Variants in THOC2 observed in about 807,000 individuals in gnomAD.
The protein encoded by THOC2 is THO complex 2.
THOC2 carries 10 observed loss-of-function variants against 128.4 expected under a neutral mutation model. The ratio of observed to expected loss-of-function variants is 0.08; its 90% CI spans 0.05 to 0.13. THOC2 has a LOEUF of 0.13. Among genes scored for constraint, THOC2 ranks in the 10% least tolerant of loss-of-function variants. The pLI, the probability that THOC2 is intolerant of heterozygous loss-of-function variation, is 1.00. For synonymous variants in THOC2, 393 were observed against 396.9 expected (o/e 0.99, Z 0.12); for missense variants, 535 against 1,155.7 (o/e 0.46, Z 7.79).
intron 36 of THOC2, 102 bp from the exon 37 acceptor site, chrX:123,611,618 CT>C: frequency 2.0e-6 from 1 of 495,851 alleles, no homozygotes. Context: ...TCTTCAAAAA[CT>C]TACTTAACAT....
chrX:123,701,754 T>C (rs2147920237), intron 4 of THOC2, among the ~76,000 whole-genome samples: 1 of 111,692 alleles, frequency 9.0e-6, no homozygotes, highest in African/African-American at 3.2e-5. Context: ...AAACATTTTT[T>C]GGTTGGCTTA....
At chrX:123,647,375 C>T (rs1271242432) in intron 12 of THOC2, among the ~76,000 whole-genome samples, 4 of 111,557 alleles carry the variant, frequency 3.6e-5, no homozygotes, top group Non-Finnish European at 7.5e-5. Flanking sequence ...TCACATAATA[C>T]TATAAGTTTT....
At chrX:123,720,388 C>T (rs953361490) in intron 1 of THOC2, among the ~76,000 whole-genome samples, 15 of 110,935 alleles carry the variant, frequency 1.4e-4, no homozygotes, top group Middle Eastern at 4.2e-3. Flanking sequence ...TTCAAGGTTA[C>T]GGTGAGCTAT....
intron 8 of THOC2, among the ~76,000 whole-genome samples, chrX:123,678,329 G>A (rs79805491): frequency 9.6e-6 from 1 of 104,613 alleles, no homozygotes; most frequent in Admixed American, 1.0e-4. Flanking sequence ...GCAGTGGCAC[G>A]ATCTCGGCTC....
intron 1 of THOC2, among the ~76,000 whole-genome samples, chrX:123,721,064 GT>G (rs988801531): frequency 4.5e-5 from 5 of 109,953 alleles, no homozygotes; most frequent in Non-Finnish European, 9.5e-5. Flanking sequence ...CATGTTAGGT[GT>G]TTTTTTTTAC....
At chrX:123,725,814 ATATAAG>A (rs1204944841) in intron 1 of THOC2, among the ~76,000 whole-genome samples, 4 of 111,112 alleles carry the variant, frequency 3.6e-5, no homozygotes, top group Non-Finnish European at 7.5e-5. Flanking sequence ...GAGAGGAGAT[ATATAAG>A]TATATCAAGG....
chrX:123,619,556 CATG>C, intron 32 of THOC2, 120 bp from the exon 33 acceptor site: 1 of 742,941 alleles, frequency 1.3e-6, no homozygotes, highest in Non-Finnish European at 2.0e-6. Flanking sequence ...GGATAAATTT[CATG>C]ATGTCATTAT....
intron 22 of THOC2, among the ~76,000 whole-genome samples, chrX:123,628,300 G>A (rs1365843045): frequency 4.5e-5 from 5 of 111,321 alleles, no homozygotes; most frequent in Non-Finnish European, 7.5e-5. Context: ...CTGTATCAGG[G>A]ATTGAACATG....
intron 15 of THOC2, among the ~76,000 whole-genome samples, chrX:123,641,506 C>T (rs776344482): frequency 1.8e-5 from 2 of 111,839 alleles, no homozygotes; most frequent in Non-Finnish European, 3.8e-5. Flanking sequence ...TCTCCATATC[C>T]CAGTTTTGGT....
intron 25 of THOC2, 85 bp downstream of exon 25, chrX:123,625,827 A>C: frequency 1.0e-6 from 1 of 1,001,967 alleles, no homozygotes; most frequent in Admixed American, 2.9e-5. Flanking sequence ...ATGCTTTTTA[A>C]CTAAACACAC....
In THOC2 at chrX:123,686,497, A is replaced by G. The variant is rs750579425; in HGVS notation, c.768+51T>C. On this transcript the variant is annotated intron_variant, in intron 8 of 38. Transcript: ENST00000245838. ...ATAAAACAAATTAAATTATATAAAC[A>G]AGATTAAGAAATCAATCTCTAAATA... 7 of 985,778 alleles carry G rather than the reference A, an allele frequency of 7.1e-6. No homozygotes were observed. The South Asian group carries it at 1.5e-4, about 22-fold the overall frequency. The allele number at this position is 985,778 out of a possible 1,213,427, so 81.2% of individuals were successfully genotyped here.
chrX:123,659,287 C>A (rs751787448), intron 12 of THOC2, among the ~76,000 whole-genome samples: 26 of 112,465 alleles, frequency 2.3e-4, no homozygotes, highest in Non-Finnish European at 7.5e-5. Flanking sequence ...TTTAACAAGT[C>A]CTTGGCCGGG....
intron 12 of THOC2, among the ~76,000 whole-genome samples, chrX:123,659,709 A>G (rs1371656965): frequency 8.9e-6 from 1 of 112,813 alleles, no homozygotes; most frequent in Non-Finnish European, 1.9e-5. Context: ...TCAGAGAAAT[A>G]AATTACAAAT....
intron 13 of THOC2, 61 bp downstream of exon 13, chrX:123,645,273 T>C (rs2048076833): frequency 1.2e-6 from 1 of 818,262 alleles, no homozygotes; most frequent in Non-Finnish European, 1.7e-6. Flanking sequence ...ACAGTAAAAT[T>C]TGTAATATAC....
At chrX:123,638,590 C>T (rs768282850) in intron 17 of THOC2, among the ~76,000 whole-genome samples, 12 of 110,306 alleles carry the variant, frequency 1.1e-4, no homozygotes, top group African/African-American at 4.0e-4. Flanking sequence ...ACCCAGGAGG[C>T]GGAGGTTGCA....
At chrX:123,695,516 C>G (rs752701191) in intron 7 of THOC2, among the ~76,000 whole-genome samples, 175 of 112,246 alleles carry the variant, frequency 1.6e-3, no homozygotes, top group Non-Finnish European at 2.3e-3. Context: ...AAATAAGTAT[C>G]AAAGTCCCTT....
intron 10 of THOC2, 76 bp from the exon 11 acceptor site, chrX:123,667,354 A>T: frequency 1.4e-6 from 1 of 733,906 alleles, no homozygotes. Context: ...CACTTAAAAA[A>T]CTGACCTAAG....
intron 28 of THOC2, 182 bp from the exon 29 acceptor site, chrX:123,623,465 C>T (rs2047156792): frequency 1.8e-6 from 1 of 567,046 alleles, no homozygotes; most frequent in Admixed American, 4.9e-5. Flanking sequence ...TTAAAAATTA[C>T]AATTTCACTA....
At chrX:123,693,624 T>C (rs2050322334) in intron 7 of THOC2, among the ~76,000 whole-genome samples, 1 of 111,123 alleles carries the variant, frequency 9.0e-6, no homozygotes, top group Non-Finnish European at 1.9e-5. Context: ...ATAGAGGAAA[T>C]ATTCATTCCT....
Sources: allele counts gnomAD v4.1 joint callset (sites outside exome capture counted in the v4.1 genomes callset), GRCh38; gene constraint gnomAD v4.1.1; transcripts MANE v1.5; gene names NCBI Gene and HGNC (gene_info 2026-07-23, HGNC 2026-07-21).